The following KRAS variants were observed in gnomAD, a reference collection of about 807,000 sequenced individuals.
The protein encoded by KRAS is GTPase KRas.
A neutral mutation model predicts 21.0 loss-of-function variants in KRAS; 1 was observed. That is an observed-to-expected ratio of 0.05 (90% confidence interval 0.02 to 0.23). The LOEUF (loss-of-function observed/expected upper bound fraction) is 0.23, where lower values mean the gene tolerates loss of function less well. Among genes scored for constraint, KRAS ranks in the 10% least tolerant of loss-of-function variants. The pLI is 1.00. For synonymous variants in KRAS, 67 were observed against 72.5 expected, an observed-to-expected ratio of 0.92 and a Z score of 0.39; for missense variants, 107 against 221.8, an observed-to-expected ratio of 0.48 and a Z score of 3.29.
chr12:25,246,482 C>T (rs1951682871), intron 1 of KRAS, among the ~76,000 whole-genome samples: 2 of 151,352 alleles, frequency 1.3e-5, no homozygotes, highest in South Asian at 4.2e-4. Flanking sequence ...CACTTGAACC[C>T]GGGAGGCAGA....
At chr12:25,245,497 C>T in intron 1 of KRAS, 102 bp from the exon 2 acceptor site, 1 of 1,163,424 alleles carries the variant, frequency 8.6e-7, no homozygotes. Context: ...TACAAACTCA[C>T]CTTTATATGA....
intron 4 of KRAS, chr12:25,224,962 TTAAA>T (rs1392115709): frequency 1.3e-5 from 2 of 152,120 alleles, no homozygotes; most frequent in African/African-American, 4.8e-5. Flanking sequence ...TACAAACAGG[TTAAA>T]TAATAGCAAC....
chr12:25,248,899 C>G (rs766058926), intron 1 of KRAS, among the ~76,000 whole-genome samples: 16 of 152,130 alleles, frequency 1.1e-4, no homozygotes, highest in Non-Finnish European at 1.9e-4. Flanking sequence ...TGTTAGCAAC[C>G]ATATTTGATA....
chr12:25,245,626 G>A (rs911256990), intron 1 of KRAS, among the ~76,000 whole-genome samples: 1 of 152,188 alleles, frequency 6.6e-6, no homozygotes, highest in Non-Finnish European at 1.5e-5. Context: ...TAAGAAAAAT[G>A]CATAAATGCT....
chr12:25,244,842 T>C (rs1305941883), intron 2 of KRAS, among the ~76,000 whole-genome samples: 5 of 152,274 alleles, frequency 3.3e-5, no homozygotes, highest in African/African-American at 7.2e-5. Context: ...GAGAAGAAGA[T>C]AGGAAAATAC....
intron 4 of KRAS, among the ~76,000 whole-genome samples, chr12:25,212,284 A>G (rs1951207188): frequency 6.6e-6 from 1 of 152,256 alleles, no homozygotes; most frequent in Admixed American, 6.5e-5. Context: ...GTAAAGCAGA[A>G]AACAATGAAA....
Position 25,207,747 on chromosome 12 carries a change from G to C in KRAS, c.*2048C>G, listed in dbSNP as rs1951154176. The C allele has an allele frequency of 4.3e-6, 1 of 232,710 alleles. No individual in the cohort carries two copies. The highest frequency in any genetic ancestry group is 8.5e-6 in the Non-Finnish European group (1 of 117,816). The allele number at this position is 232,710 out of a possible 1,614,324, so 14.4% of individuals were successfully genotyped here. A position where few individuals can be genotyped will look rare whatever the true frequency, so the allele number is the denominator to read the frequency against. On this transcript the variant is annotated 3_prime_UTR_variant, in exon 5 of 5. Transcript: ENST00000311936. Reference sequence around the variant, plus strand: ...TCGCTAATGGATTGGGCAGCAAAGAGATGTTCAAAGCATCAGCCACCACCT... The same window carrying C: ...TCGCTAATGGATTGGGCAGCAAAGACATGTTCAAAGCATCAGCCACCACCT...
chr12:25,210,010 C>A (rs1361662417), intron 4 of KRAS, 99 bp from the exon 5 acceptor site: 2 of 854,044 alleles, frequency 2.3e-6, no homozygotes, highest in Admixed American at 2.5e-5. Flanking sequence ...AGAAAGGATT[C>A]TTTATGTTTC....
At chr12:25,213,445 A>G (rs1951220112) in intron 4 of KRAS, among the ~76,000 whole-genome samples, 1 of 152,222 alleles carries the variant, frequency 6.6e-6, no homozygotes, top group Non-Finnish European at 1.5e-5. Flanking sequence ...TAAATTTGCA[A>G]TATTTTAGAG....
chr12:25,237,395 A>G (rs929545959), intron 2 of KRAS, among the ~76,000 whole-genome samples: 1 of 152,192 alleles, frequency 6.6e-6, no homozygotes, highest in African/African-American at 2.4e-5. Context: ...ATACATTTCA[A>G]TTTTTTAAAA....
chr12:25,212,645 C>T (rs987148904), intron 4 of KRAS, among the ~76,000 whole-genome samples: 15 of 152,104 alleles, frequency 9.9e-5, no homozygotes, highest in Non-Finnish European at 1.3e-4. Context: ...GCAATGAATT[C>T]TTTTTTTCTC....
intron 4 of KRAS, among the ~76,000 whole-genome samples, chr12:25,210,115 A>G (rs568185831): frequency 6.6e-6 from 1 of 152,202 alleles, no homozygotes; most frequent in Non-Finnish European, 1.5e-5. Context: ...ATAAACAGGA[A>G]CACTAATTTT....
At chr12:25,241,446 G>T (rs747760303) in intron 2 of KRAS, among the ~76,000 whole-genome samples, 1 of 152,072 alleles carries the variant, frequency 6.6e-6, no homozygotes, top group Non-Finnish European at 1.5e-5. Context: ...GTGTGTCTCT[G>T]ATTTTAAAAA....
At chr12:25,249,614 T>C (rs886716858) in intron 1 of KRAS, among the ~76,000 whole-genome samples, 2 of 27,996 alleles carry the variant, frequency 7.1e-5, no homozygotes, top group African/African-American at 1.8e-4. Context: ...AAAAAGGAGA[T>C]GCACATGTTT....
At chr12:25,221,946 C>G (rs1366640273) in intron 4 of KRAS, among the ~76,000 whole-genome samples, 1 of 151,958 alleles carries the variant, frequency 6.6e-6, no homozygotes, top group Non-Finnish European at 1.5e-5. Flanking sequence ...GTCAAGAGAT[C>G]GAGACCATCC....
At chr12:25,231,485 A>G (rs1592812141) in intron 2 of KRAS, among the ~76,000 whole-genome samples, 2 of 152,232 alleles carry the variant, frequency 1.3e-5, no homozygotes, top group African/African-American at 2.4e-5. Flanking sequence ...CAGATAAAGA[A>G]TAGTCAACCT....
At chr12:25,248,188 C>A (rs998099501) in intron 1 of KRAS, among the ~76,000 whole-genome samples, 1 of 151,808 alleles carries the variant, frequency 6.6e-6, no homozygotes, top group African/African-American at 2.4e-5. Flanking sequence ...GAGTGTAGGC[C>A]GGGTGTGGTG....
intron 2 of KRAS, among the ~76,000 whole-genome samples, chr12:25,243,578 T>C (rs968510009): frequency 6.6e-6 from 1 of 152,324 alleles, no homozygotes; most frequent in East Asian, 1.9e-4. Context: ...TCATGCTGTA[T>C]ATACTCATAT....
intron 2 of KRAS, among the ~76,000 whole-genome samples, chr12:25,237,930 A>G (rs1245075316): frequency 2.0e-5 from 3 of 152,218 alleles, no homozygotes; most frequent in Admixed American, 2.0e-4. Context: ...ACTGGTCACC[A>G]TATTTCAAAA....
Sources: gnomAD v4.1 joint callset for allele counts (sites outside exome capture counted in the v4.1 genomes callset) on GRCh38, gnomAD v4.1.1 for gene constraint, MANE v1.5 for transcripts, NCBI Gene and HGNC (gene_info 2026-07-23, HGNC 2026-07-21) for gene names.